The following YIPF4 variants were observed in gnomAD, a reference collection of about 807,000 sequenced individuals.
YIPF4 encodes Yip1 domain family member 4.
Under a neutral mutation model 29.4 loss-of-function variants are expected in YIPF4, and 18 were observed. The ratio of observed to expected loss-of-function variants is 0.61; its 90% CI spans 0.42 to 0.91. The LOEUF is 0.91. YIPF4 is among the 40% of genes least tolerant of loss of function. The pLI is 0.00. For missense variants in YIPF4, 279 were observed against 282.7 expected, an observed-to-expected ratio of 0.99 and a Z score of 0.09; for synonymous variants, 115 against 104.7, an observed-to-expected ratio of 1.10 and a Z score of -0.60.
At chr2:32,289,811 CA>C (rs1214212124) in intron 1 of YIPF4, among the ~76,000 whole-genome samples, 2 of 152,074 alleles carry the variant, frequency 1.3e-5, no homozygotes, top group Non-Finnish European at 2.9e-5. Flanking sequence ...AAAAAGAAAA[CA>C]TAGCCTTTAT....
At chr2:32,289,360 C>T (rs1427261244) in intron 1 of YIPF4, among the ~76,000 whole-genome samples, 1 of 152,050 alleles carries the variant, frequency 6.6e-6, no homozygotes, top group Non-Finnish European at 1.5e-5. Flanking sequence ...GGATGTGACT[C>T]ATAGAGTATT....
At chr2:32,280,624 T>C (rs947079292) in intron 1 of YIPF4, among the ~76,000 whole-genome samples, 4 of 151,954 alleles carry the variant, frequency 2.6e-5, no homozygotes, top group African/African-American at 7.2e-5. Context: ...CCTCGTGATC[T>C]GCCTGCCTCG....
Position 32,316,046 on chromosome 2 carries a change from A to C in YIPF4, c.*10420A>C, listed in dbSNP as rs35005972. The stretch of plus-strand genomic sequence containing the variant: ...AAAGGAAAAAAAAAAAAAAACCAAA[A>C]AAAAAAAAAAAGTATAAAGCACAGA... On this transcript the variant is annotated 3_prime_UTR_variant, in exon 6 of 6. Coordinates refer to ENST00000238831, the MANE Select transcript of YIPF4 (RefSeq NM_032312.4). 0.31 allele frequency: 45,316 copies of C among 146,914 alleles called. 7,384 individuals carry two copies. Among genetic ancestry groups the C allele is most frequent in the East Asian group, 0.68 (3,272 of 4,816 alleles). 9.1% of individuals were successfully genotyped at this position (146,914 alleles called of 1,614,324 possible).
At position 32,285,752 on chromosome 2, in the gene YIPF4, C is replaced by G. The variant is rs181304676; in HGVS notation, c.80-4731C>G. Among the ~76,000 whole-genome samples the G allele has an allele frequency of 2.9e-3, 446 of 151,414 alleles. 7 individuals carry two copies. The highest frequency in any genetic ancestry group is 0.011 in the African/African-American group (434 of 41,246). On this transcript the variant is annotated intron_variant, in intron 1 of 5. Coordinates refer to ENST00000238831, the MANE Select transcript of YIPF4 (RefSeq NM_032312.4). ...CTCATTGCAACCTCCACCTCCCAGG[C>G]TCAAGCAATTCTCCTGCCTCAGCCT...
intron 1 of YIPF4, among the ~76,000 whole-genome samples, chr2:32,282,330 C>A (rs960614300): frequency 6.6e-6 from 1 of 152,208 alleles, no homozygotes; most frequent in Admixed American, 6.5e-5. Flanking sequence ...CTCTTTCTTA[C>A]ATTTTTCTAA....
At position 32,314,657 on chromosome 2, in the gene YIPF4, G is replaced by A. The variant is rs946518351; in HGVS notation, c.*9031G>A. 2.0e-5 allele frequency: 3 copies of A among 152,024 alleles called. No homozygotes were observed. The highest frequency in any genetic ancestry group is 7.2e-5 in the African/African-American group (3 of 41,388). 9.4% of individuals were successfully genotyped at this position (152,024 alleles called of 1,614,324 possible). ...CATTGCACTCCAGCCTGGGCAAGAA[G>A]AGCAAAACTTCGTCTCAAAAAAAAA... On this transcript the variant is annotated 3_prime_UTR_variant, in exon 6 of 6. Transcript: ENST00000238831.
At chr2:32,303,648 T>C (rs2031480172) in intron 5 of YIPF4, among the ~76,000 whole-genome samples, 1 of 152,204 alleles carries the variant, frequency 6.6e-6, no homozygotes. Context: ...ATCGTACCAT[T>C]GTACTCCAGT....
chr2:32,297,728 A>C (rs1168119364), intron 3 of YIPF4, among the ~76,000 whole-genome samples: 1 of 152,172 alleles, frequency 6.6e-6, no homozygotes, highest in African/African-American at 2.4e-5. Flanking sequence ...TTATGTTGCT[A>C]CTGGGGTATT....
In YIPF4 at chr2:32,308,831, C is replaced by G. The variant is rs1043829315; in HGVS notation, c.*3205C>G. ...GGCCGAGGCGGGTGGATCACGAGAT[C>G]AGGAGATCAAGACCATGGTGAAACC... On this transcript the variant is annotated 3_prime_UTR_variant, in exon 6 of 6. Transcript: ENST00000238831. 6.6e-6 allele frequency: 1 copy of G among 152,062 alleles called. No individual in the cohort carries two copies. The highest frequency in any genetic ancestry group is 1.5e-5 in the Non-Finnish European group (1 of 68,138). 9.4% of individuals were successfully genotyped at this position (152,062 alleles called of 1,614,324 possible). A position where few individuals can be genotyped will look rare whatever the true frequency, so the allele number is the denominator to read the frequency against.
In YIPF4 at chr2:32,291,503, C is replaced by T. The variant is rs977536473; in HGVS notation, c.234-674C>T. ...AGGTTGCAGTGAGCCGAAATTGCCCCACCGCACTCCAGCCTGGGTGAAAAA... is the reference window on the plus strand; with the variant it reads ...AGGTTGCAGTGAGCCGAAATTGCCCTACCGCACTCCAGCCTGGGTGAAAAA... On this transcript the variant is annotated intron_variant, in intron 2 of 5. Transcript: ENST00000238831. Among the ~76,000 whole-genome samples, 7 of 152,296 alleles carry T rather than the reference C, an allele frequency of 4.6e-5. No homozygotes were observed. In the South Asian group the frequency reaches 1.5e-3, roughly 32 times the overall value.
At chr2:32,287,893 G>C (rs2030745479) in intron 1 of YIPF4, among the ~76,000 whole-genome samples, 1 of 152,016 alleles carries the variant, frequency 6.6e-6, no homozygotes, top group Non-Finnish European at 1.5e-5. Flanking sequence ...CTTAGGAAAT[G>C]ACAAGAATAT....
intron 1 of YIPF4, among the ~76,000 whole-genome samples, chr2:32,282,101 G>T (rs1207084972): frequency 6.6e-6 from 1 of 151,714 alleles, no homozygotes; most frequent in African/African-American, 2.4e-5. Flanking sequence ...GGCTTAGAGA[G>T]GTTTAGCAAT....
chr2:32,288,178 A>G lies in YIPF4; in HGVS notation c.80-2305A>G, dbSNP rs139622767. Reference sequence around the variant, plus strand: ...CTTGGGGGTCCTGGGGGAGGTGTCAAACTGCTATTGTTGGCATTCCTACAT... The same window carrying G: ...CTTGGGGGTCCTGGGGGAGGTGTCAGACTGCTATTGTTGGCATTCCTACAT... On this transcript the variant is annotated intron_variant, in intron 1 of 5. Coordinates refer to ENST00000238831, the MANE Select transcript of YIPF4 (RefSeq NM_032312.4). Among the ~76,000 whole-genome samples, 655 of 152,244 alleles carry G rather than the reference A, an allele frequency of 4.3e-3. 2 individuals carry two copies. The highest frequency in any genetic ancestry group is 7.2e-3 in the Non-Finnish European group (491 of 68,010).
Position 32,309,782 on chromosome 2 carries a change from G to C in YIPF4, c.*4156G>C, listed in dbSNP as rs2031680693. On this transcript the variant is annotated 3_prime_UTR_variant, in exon 6 of 6. Coordinates refer to ENST00000238831, the MANE Select transcript of YIPF4 (RefSeq NM_032312.4). Reference sequence around the variant, plus strand: ...CAGCTCACTGCAACCTCTGATTCCTGGGTTCAAGCAATTCTCATGTCTCAG... The same window carrying C: ...CAGCTCACTGCAACCTCTGATTCCTCGGTTCAAGCAATTCTCATGTCTCAG... 1 of 148,568 alleles carries C rather than the reference G, an allele frequency of 6.7e-6. No homozygotes were observed. Among genetic ancestry groups the C allele is most frequent in the South Asian group, 2.1e-4 (1 of 4,736 alleles). The allele number at this position is 148,568 out of a possible 1,614,324, so 9.2% of individuals were successfully genotyped here.
rs751221953 is a variant in YIPF4 at position 32,306,276 on chromosome 2, A to G, written c.*650A>G. On this transcript the variant is annotated 3_prime_UTR_variant, in exon 6 of 6. Coordinates refer to ENST00000238831, the MANE Select transcript of YIPF4 (RefSeq NM_032312.4). ...TAATAACTACTAAAACTGATTTTTA[A>G]TAGTTGCTGATATATATTTGGTTTG... 1.1e-4 allele frequency: 109 copies of G among 974,214 alleles called. No homozygotes were observed. The highest frequency in any genetic ancestry group is 1.3e-4 in the Non-Finnish European group (105 of 819,552). 60.3% of individuals were successfully genotyped at this position (974,214 alleles called of 1,614,324 possible).
In YIPF4 at chr2:32,298,352, T is replaced by G. The variant is rs367942471; in HGVS notation, c.483+41T>G. ...TGAAAATAATCTTCCTTATTTATGG[T>G]GAGCTTAGTTTTTGATACTGCAGAT... On this transcript the variant is annotated intron_variant, in intron 4 of 5. Transcript: ENST00000238831. The G allele has an allele frequency of 8.8e-5, 132 of 1,499,636 alleles. No homozygotes were observed. In the African/African-American group the frequency reaches 1.7e-3, roughly 19 times the overall value. 92.9% of individuals were successfully genotyped at this position (1,499,636 alleles called of 1,614,324 possible).
At chr2:32,278,558 C>T (rs2030219472) in intron 1 of YIPF4, among the ~76,000 whole-genome samples, 1 of 152,078 alleles carries the variant, frequency 6.6e-6, no homozygotes. Context: ...AATTACTCGC[C>T]CTTACTCAGA....
intron 1 of YIPF4, among the ~76,000 whole-genome samples, chr2:32,280,237 C>T (rs2030335519): frequency 6.7e-6 from 1 of 150,210 alleles, no homozygotes; most frequent in Admixed American, 6.7e-5. Context: ...ATGCTATTCT[C>T]CTGCCTCAGC....
chr2:32,292,196 C>T lies in YIPF4; in HGVS notation c.253C>T (p.Leu85=). The change falls in exon 3 of 6, where the codon CTA becomes TTA. Residue 85 remains leucine, a synonymous_variant. Transcript: ENST00000238831. The stretch of plus-strand genomic sequence containing the variant: ...TTATAGGGAAGAATTGGACATTGAT[C>T]TAAAGGATATTTACTACAAAATCCG... ...KPLLEELDID[L]KDIYYKIRCV... 1 of 1,552,530 alleles carries T rather than the reference C, an allele frequency of 6.4e-7. No individual in the cohort carries two copies. Among genetic ancestry groups the T allele is most frequent in the Non-Finnish European group, 8.7e-7 (1 of 1,149,500 alleles).
Sources: gnomAD v4.1 joint callset for allele counts (sites outside exome capture counted in the v4.1 genomes callset) on GRCh38, gnomAD v4.1.1 for gene constraint, MANE v1.5 for transcripts, NCBI Gene and HGNC (gene_info 2026-07-23, HGNC 2026-07-21) for gene names.